FHIT: variants seen among roughly 807,000 people sequenced by gnomAD.
FHIT encodes the protein fragile histidine triad diadenosine triphosphatase, also known as bis(5'-adenosyl)-triphosphatase.
Under a neutral mutation model 17.9 loss-of-function variants are expected in FHIT, and 19 were observed. The ratio of observed to expected loss-of-function variants is 1.06; its 90% CI spans 0.74 to 1.56. The LOEUF (loss-of-function observed/expected upper bound fraction) is 1.56, where lower values mean the gene tolerates loss of function less well. Ranked by LOEUF, FHIT falls within the 40% of genes most tolerant of loss-of-function variation. The pLI, the probability that FHIT is intolerant of heterozygous loss-of-function variation, is 0.00. For missense variants in FHIT, 248 were observed against 189.2 expected (o/e 1.31, Z -1.82); for synonymous variants, 81 against 69.7 (o/e 1.16, Z -0.81).
intron 5 of FHIT, among the ~76,000 whole-genome samples, chr3:60,239,677 GA>G (rs1409635365): frequency 1.3e-5 from 2 of 152,232 alleles, no homozygotes; most frequent in Middle Eastern, 3.4e-3. Context: ...CTAAAGCATG[GA>G]AAAACACACA....
At chr3:59,914,889 C>A (rs1208737586) in intron 8 of FHIT, among the ~76,000 whole-genome samples, 1 of 151,846 alleles carries the variant, frequency 6.6e-6, no homozygotes, top group Non-Finnish European at 1.5e-5. Flanking sequence ...CTACTGAGGT[C>A]TTGGTAGTTT....
chr3:60,017,642 T>C (rs771678375), intron 5 of FHIT, among the ~76,000 whole-genome samples: 7 of 152,238 alleles, frequency 4.6e-5, no homozygotes, highest in African/African-American at 1.7e-4. Context: ...CCTTTCTTTT[T>C]GTTTTCCCTT....
chr3:60,820,616 C>A (rs1429154480), intron 4 of FHIT, among the ~76,000 whole-genome samples: 3 of 152,112 alleles, frequency 2.0e-5, no homozygotes, highest in Non-Finnish European at 4.4e-5. Flanking sequence ...TTTGCATAAA[C>A]CGTGGGTTTC....
At chr3:60,700,170 T>C (rs1458114938) in intron 4 of FHIT, among the ~76,000 whole-genome samples, 1 of 150,776 alleles carries the variant, frequency 6.6e-6, no homozygotes, top group Admixed American at 6.6e-5. Flanking sequence ...ATGTATGTGG[T>C]ATATAAAATA....
intron 5 of FHIT, among the ~76,000 whole-genome samples, chr3:60,348,953 T>G (rs898705536): frequency 1.3e-5 from 2 of 152,164 alleles, no homozygotes; most frequent in African/African-American, 4.8e-5. Flanking sequence ...GTGATTGAAC[T>G]TAGCCAACCT....
intron 5 of FHIT, among the ~76,000 whole-genome samples, chr3:60,044,730 C>T (rs139542206): frequency 3.0e-3 from 461 of 152,236 alleles, no homozygotes; most frequent in African/African-American, 0.01. Flanking sequence ...TCCACTGTTA[C>T]AAGCTTTCTT....
At chr3:60,619,731 C>G (rs2039064949) in intron 4 of FHIT, among the ~76,000 whole-genome samples, 1 of 150,384 alleles carries the variant, frequency 6.6e-6, no homozygotes, top group South Asian at 2.1e-4. Context: ...AAATAATGTA[C>G]AAGAAAGTTC....
intron 5 of FHIT, among the ~76,000 whole-genome samples, chr3:60,426,055 G>C (rs1359541687): frequency 1.3e-5 from 2 of 152,118 alleles, no homozygotes; most frequent in Admixed American, 6.6e-5. Context: ...ATGTAGAAAA[G>C]AGCATTTGTA....
At chr3:60,600,894 G>C (rs1576950831) in intron 4 of FHIT, among the ~76,000 whole-genome samples, 2 of 152,124 alleles carry the variant, frequency 1.3e-5, no homozygotes, top group East Asian at 3.9e-4. Flanking sequence ...TCCCTCTCAT[G>C]AGCGGATGCA....
In FHIT at chr3:60,626,737, G is replaced by A. The variant is rs1209146992; in HGVS notation, c.-17-89758C>T. On this transcript the variant is annotated intron_variant, in intron 4 of 9. Transcript: ENST00000492590. ...TGTTAGACAATGTTGAATGGAAATG[G>A]CAAGAGGGGATATCTGTGCCTTCTT... 2.0e-5 allele frequency among the ~76,000 whole-genome samples: 3 copies of A among 150,052 alleles called. No homozygotes were observed. The East Asian group carries it at 5.8e-4, about 29-fold the overall frequency.
At chr3:60,400,480 T>C (rs1024273272) in intron 5 of FHIT, among the ~76,000 whole-genome samples, 2 of 152,082 alleles carry the variant, frequency 1.3e-5, no homozygotes, top group African/African-American at 4.8e-5. Flanking sequence ...AGGAAAAGAA[T>C]GTTCTAACAA....
chr3:59,925,293 T>C (rs893505530), intron 7 of FHIT, among the ~76,000 whole-genome samples: 1 of 152,038 alleles, frequency 6.6e-6, no homozygotes, highest in Non-Finnish European at 1.5e-5. Context: ...TTTTTAGCAA[T>C]GGAGTTCTCA....
In FHIT at chr3:59,790,426, G is replaced by A. The variant is rs145026258; in HGVS notation, c.349-38105C>T. Among the ~76,000 whole-genome samples the A allele has an allele frequency of 2.5e-3, 382 of 152,270 alleles. 2 individuals carry two copies. The highest frequency in any genetic ancestry group is 9.0e-3 in the African/African-American group (372 of 41,560). The stretch of plus-strand genomic sequence containing the variant: ...TTTTAAGGTGGCATGCAATGAGCCA[G>A]CCAGCTAATTATAGTAAGAGCAGCT... On this transcript the variant is annotated intron_variant, in intron 8 of 9. Transcript: ENST00000492590.
intron 5 of FHIT, among the ~76,000 whole-genome samples, chr3:60,351,948 T>G (rs1699420908): frequency 6.6e-6 from 1 of 152,200 alleles, no homozygotes; most frequent in African/African-American, 2.4e-5. Context: ...AGTTTGTTCC[T>G]CCTTATAGCT....
At chr3:60,671,754 A>C (rs978251894) in intron 4 of FHIT, among the ~76,000 whole-genome samples, 2 of 148,228 alleles carry the variant, frequency 1.3e-5, no homozygotes, top group African/African-American at 5.0e-5. Context: ...AGCCTGACCA[A>C]CATGGTGAAA....
At chr3:60,535,052 C>T (rs1283254913) in intron 5 of FHIT, among the ~76,000 whole-genome samples, 4 of 152,086 alleles carry the variant, frequency 2.6e-5, no homozygotes, top group Admixed American at 2.6e-4. Context: ...GGCAAAACCC[C>T]GTCTCTACTA....
At chr3:60,849,174 G>A (rs1252223567) in intron 3 of FHIT, among the ~76,000 whole-genome samples, 3 of 152,074 alleles carry the variant, frequency 2.0e-5, no homozygotes, top group South Asian at 2.1e-4. Flanking sequence ...ACAAGAAGTA[G>A]ATATTTGCTA....
intron 5 of FHIT, among the ~76,000 whole-genome samples, chr3:60,167,203 T>C (rs746202250): frequency 6.6e-6 from 1 of 152,204 alleles, no homozygotes; most frequent in South Asian, 2.1e-4. Flanking sequence ...TAAAGTGCCA[T>C]ACACAGTCAA....
chr3:60,789,156 GTA>G lies in FHIT; in HGVS notation c.-18+32761_-18+32762del, dbSNP rs782494801. Among the ~76,000 whole-genome samples, 339 of 130,948 alleles carry G rather than the reference GTA, an allele frequency of 2.6e-3. 2 individuals are homozygous for G. The highest frequency in any genetic ancestry group is 5.4e-3 in the African/African-American group (178 of 32,858). The allele number at this position is 130,948 out of a possible 152,430, so 85.9% of individuals were successfully genotyped here. On this transcript the variant is annotated intron_variant, in intron 4 of 9. Transcript: ENST00000492590. ...TATAGAGAGAGATGTGTGTGTGTGT[GTA>G]TATATATATATATATATAGAGAGAG...
Sources: gnomAD v4.1 joint callset for allele counts (sites outside exome capture counted in the v4.1 genomes callset) on GRCh38, gnomAD v4.1.1 for gene constraint, MANE v1.5 for transcripts, NCBI Gene and HGNC (gene_info 2026-07-23, HGNC 2026-07-21) for gene names.